The following KCNQ5 variants were observed in gnomAD, a reference collection of about 807,000 sequenced individuals.
KCNQ5 encodes potassium voltage-gated channel subfamily KQT member 5.
KCNQ5 carries 30 observed loss-of-function variants against 98.2 expected under a neutral mutation model. The observed-to-expected ratio is 0.31, with a 90% CI of 0.23 to 0.41. The LOEUF (loss-of-function observed/expected upper bound fraction) is 0.41, where lower values mean the gene tolerates loss of function less well. KCNQ5 is among the 10% of genes least tolerant of loss of function. The pLI is 1.00. For synonymous variants in KCNQ5, 458 were observed against 449.4 expected (o/e 1.02, Z -0.24); for missense variants, 835 against 1,182.5 (o/e 0.71, Z 4.31).
rs776012799 is a variant in KCNQ5 at position 72,727,239 on chromosome 6, C to T, written c.398+104652C>T. Reference sequence around the variant, plus strand: ...AGAAATGTTCTGAGCAGTAACTTCTCGCATAGTCACTTCTAGCTCCTGGGC... The same window carrying T: ...AGAAATGTTCTGAGCAGTAACTTCTTGCATAGTCACTTCTAGCTCCTGGGC... On this transcript the variant is annotated intron_variant, in intron 1 of 13. Coordinates refer to ENST00000370398, the MANE Select transcript of KCNQ5 (RefSeq NM_019842.4). 2.0e-5 allele frequency among the ~76,000 whole-genome samples: 3 copies of T among 152,220 alleles called. 1 individual carries two copies. The highest frequency in any genetic ancestry group is 4.1e-4 in the South Asian group (2 of 4,834).
At chr6:73,183,988 C>A (rs975787453) in intron 11 of KCNQ5, among the ~76,000 whole-genome samples, 1 of 152,196 alleles carries the variant, frequency 6.6e-6, no homozygotes, top group South Asian at 2.1e-4. Context: ...CACATGTTTT[C>A]CACTGTTTTC....
chr6:73,195,835 A>G lies in KCNQ5; in HGVS notation c.*421A>G, dbSNP rs1765773396. ...AGGCCATAATGTATATTTAAACACAATGGCTATCAACAGCTGCTAATAAGG... is the reference window on the plus strand; with the variant it reads ...AGGCCATAATGTATATTTAAACACAGTGGCTATCAACAGCTGCTAATAAGG... On this transcript the variant is annotated 3_prime_UTR_variant, in exon 14 of 14. Transcript: ENST00000370398. The G allele has an allele frequency of 1.1e-5, 2 of 178,192 alleles. No individual in the cohort carries two copies. Among genetic ancestry groups the G allele is most frequent in the South Asian group, 1.3e-4 (1 of 7,736 alleles). The allele number at this position is 178,192 out of a possible 1,614,324, so 11.0% of individuals were successfully genotyped here.
chr6:72,965,903 T>C (rs560957691), intron 1 of KCNQ5, among the ~76,000 whole-genome samples: 2 of 152,292 alleles, frequency 1.3e-5, no homozygotes, highest in East Asian at 3.9e-4. Flanking sequence ...TTTGGACATA[T>C]GTGGAAGTGC....
chr6:72,625,614 G>A (rs1012482937), intron 1 of KCNQ5, among the ~76,000 whole-genome samples: 6 of 152,196 alleles, frequency 3.9e-5, no homozygotes, highest in African/African-American at 1.2e-4. Context: ...GGGAAACGGT[G>A]TTGCAGATAC....
At chr6:72,933,380 C>G (rs551233302) in intron 1 of KCNQ5, among the ~76,000 whole-genome samples, 1 of 152,136 alleles carries the variant, frequency 6.6e-6, no homozygotes, top group African/African-American at 2.4e-5. Context: ...TTGCTTCTGT[C>G]GGGATGCCAT....
chr6:72,795,608 G>A (rs1774286664), intron 1 of KCNQ5, among the ~76,000 whole-genome samples: 2 of 152,068 alleles, frequency 1.3e-5, no homozygotes, highest in Non-Finnish European at 2.9e-5. Flanking sequence ...GCAAAAACTG[G>A]TTATTGTATA....
chr6:72,652,423 G>GT (rs1431300558), intron 1 of KCNQ5, among the ~76,000 whole-genome samples: 1 of 147,690 alleles, frequency 6.8e-6, no homozygotes, highest in Non-Finnish European at 1.5e-5. Context: ...CTTTTCTCCT[G>GT]GTTTTTCCCC....
At chr6:73,163,059 A>AAATG (rs1015853311) in intron 10 of KCNQ5, among the ~76,000 whole-genome samples, 17 of 152,282 alleles carry the variant, frequency 1.1e-4, no homozygotes, top group African/African-American at 2.4e-4. Context: ...GTTGGAAAAT[A>AAATG]AATGAATGAA....
At chr6:72,858,540 C>T (rs1022695946) in intron 1 of KCNQ5, among the ~76,000 whole-genome samples, 15 of 151,626 alleles carry the variant, frequency 9.9e-5, no homozygotes, top group African/African-American at 3.1e-4. Context: ...TAGTAACCTT[C>T]GAAATGTGAT....
chr6:73,134,639 C>G (rs1046329541), intron 10 of KCNQ5, among the ~76,000 whole-genome samples: 1 of 152,248 alleles, frequency 6.6e-6, no homozygotes, highest in Non-Finnish European at 1.5e-5. Context: ...GTGAGCAACA[C>G]AAGTCACCTC....
chr6:72,885,358 C>T (rs891709880), intron 1 of KCNQ5, among the ~76,000 whole-genome samples: 2 of 152,032 alleles, frequency 1.3e-5, no homozygotes, highest in Admixed American at 6.6e-5. Context: ...ATAAAAAATT[C>T]GACATTTACA....
intron 1 of KCNQ5, among the ~76,000 whole-genome samples, chr6:72,911,835 C>G (rs1779952222): frequency 6.6e-6 from 1 of 152,120 alleles, no homozygotes; most frequent in Non-Finnish European, 1.5e-5. Context: ...GCCAAGATAG[C>G]ATTTTCCTTT....
At chr6:72,733,194 G>A (rs2154475840) in intron 1 of KCNQ5, among the ~76,000 whole-genome samples, 1 of 152,126 alleles carries the variant, frequency 6.6e-6, no homozygotes, top group East Asian at 1.9e-4. Flanking sequence ...GGTGAAAGGA[G>A]GACAGAACTA....
intron 1 of KCNQ5, among the ~76,000 whole-genome samples, chr6:72,786,452 C>T (rs1005712317): frequency 1.3e-5 from 2 of 152,118 alleles, no homozygotes; most frequent in African/African-American, 2.4e-5. Flanking sequence ...AATAAACATG[C>T]TAACTATGCC....
chr6:73,041,818 A>T (rs1330708621), intron 2 of KCNQ5, 118 bp from the exon 3 acceptor site: 27 of 1,087,612 alleles, frequency 2.5e-5, no homozygotes, highest in Non-Finnish European at 3.7e-5. Flanking sequence ...TTAACTTTAG[A>T]TATTAACAAC....
At chr6:72,820,972 G>A (rs1028195276) in intron 1 of KCNQ5, among the ~76,000 whole-genome samples, 2 of 152,194 alleles carry the variant, frequency 1.3e-5, no homozygotes, top group African/African-American at 2.4e-5. Flanking sequence ...GAGAAAAGAA[G>A]CTGATATATG....
In KCNQ5 at chr6:72,912,611, C is replaced by A. The variant is rs139092796; in HGVS notation, c.399-91297C>A. On this transcript the variant is annotated intron_variant, in intron 1 of 13. Coordinates refer to ENST00000370398, the MANE Select transcript of KCNQ5 (RefSeq NM_019842.4). ...GTCAAATTTTTCTGAATCTGGCATT[C>A]TCCTAGTATAATAATCACAATCCCA... 2.7e-3 allele frequency among the ~76,000 whole-genome samples: 409 copies of A among 152,266 alleles called. 4 individuals are homozygous for A. The highest frequency in any genetic ancestry group is 0.021 in the East Asian group (107 of 5,180).
chr6:73,142,423 T>C (rs1385851967), intron 10 of KCNQ5, among the ~76,000 whole-genome samples: 1 of 151,990 alleles, frequency 6.6e-6, no homozygotes, highest in Non-Finnish European at 1.5e-5. Flanking sequence ...CTCCGTTACC[T>C]ACCTGCCTTT....
At chr6:73,027,182 G>A (rs903712473) in intron 2 of KCNQ5, among the ~76,000 whole-genome samples, 3 of 152,148 alleles carry the variant, frequency 2.0e-5, no homozygotes, top group Admixed American at 1.3e-4. Flanking sequence ...AGTATGAAAA[G>A]GATCAAAACA....
Sources: allele counts gnomAD v4.1 joint callset (sites outside exome capture counted in the v4.1 genomes callset), GRCh38; gene constraint gnomAD v4.1.1; transcripts MANE v1.5; gene names NCBI Gene and HGNC (gene_info 2026-07-23, HGNC 2026-07-21).